NLRP8: variants seen among roughly 807,000 people sequenced by gnomAD.
NLRP8 encodes NLR family pyrin domain containing 8.
In NLRP8, 86 loss-of-function variants were observed where a neutral mutation model predicts 88.7. The ratio of observed to expected loss-of-function variants is 0.97; its 90% confidence interval spans 0.81 to 1.16. The LOEUF (loss-of-function observed/expected upper bound fraction) is 1.16, where lower values mean the gene tolerates loss of function less well. NLRP8 is among the 50% of genes most tolerant of loss of function. The pLI is 0.00. For synonymous variants in NLRP8, 504 were observed against 494.6 expected, an observed-to-expected ratio of 1.02 and a Z score of -0.25; for missense variants, 1,342 against 1,286.5, an observed-to-expected ratio of 1.04 and a Z score of -0.66.
chr19:55,987,386 C>T (rs1256638597), intron 9 of NLRP8, among the ~76,000 whole-genome samples: 1 of 152,158 alleles, frequency 6.6e-6, no homozygotes, highest in African/African-American at 2.4e-5. Flanking sequence ...AAATTAAGTA[C>T]AGAGTAGGGG....
chr19:55,974,553 A>ACG (rs1980221902), intron 7 of NLRP8, among the ~76,000 whole-genome samples: 1 of 151,774 alleles, frequency 6.6e-6, no homozygotes, highest in African/African-American at 2.4e-5. Context: ...TCGAGACCAC[A>ACG]GTGAAACCCC....
chr19:55,954,395 C>A, intron 2 of NLRP8, 106 bp from the exon 3 acceptor site: 2 of 1,110,700 alleles, frequency 1.8e-6, no homozygotes, highest in Non-Finnish European at 2.6e-6. Context: ...GCAAGGGCAT[C>A]ACGGGGCTTC....
At chr19:55,967,171 A>G (rs306494) in intron 5 of NLRP8, among the ~76,000 whole-genome samples, 56,767 of 151,982 alleles carry the variant, frequency 0.37, 11,067 homozygotes, top group Non-Finnish European at 0.43. Flanking sequence ...TTCTTTTTCA[A>G]CCTGTTAACC....
In NLRP8 at chr19:55,954,868, C is replaced by T. The variant is rs117657068; in HGVS notation, c.810C>T (p.Leu270=). The T allele has an allele frequency of 7.4e-6, 12 of 1,614,170 alleles. No individual in the cohort carries two copies. Among genetic ancestry groups the T allele is most frequent in the Middle Eastern group, 1.6e-4 (1 of 6,062 alleles). Residue 270 remains leucine, a synonymous_variant, in exon 3 of 10, where the codon CTC becomes CTT. Coordinates refer to ENST00000291971, the MANE Select transcript of NLRP8 (RefSeq NM_176811.2). ...AAAAGTGGCCTGGATCTCAGGACCTCGTGTCAAAGATTATGTCCAAACCCG... is the reference window on the plus strand; with the variant it reads ...AAAAGTGGCCTGGATCTCAGGACCTTGTGTCAAAGATTATGTCCAAACCCG...
chr19:55,976,158 A>T lies in NLRP8; in HGVS notation c.2731A>T (p.Asn911Tyr), dbSNP rs1258553967. Residue 911 changes from asparagine to tyrosine, a missense_variant, in exon 8 of 10, where the codon AAT becomes TAT. Asn to Tyr is a moderately radical substitution (Grantham distance 143, BLOSUM62 -2). Coordinates refer to ENST00000291971, the MANE Select transcript of NLRP8 (RefSeq NM_176811.2). ...ACTGAGAAAGTGTGACTTGACCTTTAATTGCTGTCAGGATATGATCTCTGC... is the reference window on the plus strand; with the variant it reads ...ACTGAGAAAGTGTGACTTGACCTTTTATTGCTGTCAGGATATGATCTCTGC... 3 of 1,607,988 alleles carry T rather than the reference A, an allele frequency of 1.9e-6. No individual in the cohort carries two copies. In the East Asian group the frequency reaches 6.7e-5, roughly 36 times the overall value.
At position 55,987,096 on chromosome 19, in the gene NLRP8, C is replaced by T. The variant is rs10414868; in HGVS notation, c.3048-718C>T. Among the ~76,000 whole-genome samples the T allele has an allele frequency of 8.1e-3, 1,239 of 152,332 alleles. 18 individuals are homozygous for T. The highest frequency in any genetic ancestry group is 0.037 in the South Asian group (177 of 4,820). On this transcript the variant is annotated intron_variant, in intron 9 of 9. Coordinates refer to ENST00000291971, the MANE Select transcript of NLRP8 (RefSeq NM_176811.2). The stretch of plus-strand genomic sequence containing the variant: ...AAAATACTGTACAGAGGGCTGGGTG[C>T]AGTGGCTCACGCCTATAATCCCAGC...
Position 55,987,817 on chromosome 19 carries a change from T to A in NLRP8, c.3051T>A (p.Cys1017Ter). The A allele has an allele frequency of 6.2e-7, 1 of 1,613,138 alleles. No homozygotes were observed. The highest frequency in any genetic ancestry group is 8.5e-7 in the Non-Finnish European group (1 of 1,179,166). ...GCCTTCCTTTACCTCCCTCCAGCTGTATTCCTGCCTGGACTCGAATAACTA... is the reference window on the plus strand; with the variant it reads ...GCCTTCCTTTACCTCCCTCCAGCTGAATTCCTGCCTGGACTCGAATAACTA... Residue 1017 changes from cysteine (C) to a stop codon, truncating the protein, a stop_gained, in exon 10 of 10, where the codon TGT becomes TGA. Coordinates refer to ENST00000291971, the MANE Select transcript of NLRP8 (RefSeq NM_176811.2). LOFTEE classifies it low-confidence loss of function (END_TRUNC).
intron 3 of NLRP8, among the ~76,000 whole-genome samples, chr19:55,959,967 G>A (rs1979539539): frequency 6.6e-6 from 1 of 152,102 alleles, no homozygotes; most frequent in South Asian, 2.1e-4. Context: ...GCTAAATCAT[G>A]GAGGCTTGGG....
chr19:55,973,832 A>C lies in NLRP8; in HGVS notation c.2705+10A>C. ...CTCTGCAGAGGCTGGTGTAAGTCCCAGAATGTTTTCTTCTCTGAATTCCCT... is the reference window on the plus strand; with the variant it reads ...CTCTGCAGAGGCTGGTGTAAGTCCCCGAATGTTTTCTTCTCTGAATTCCCT... On this transcript the variant is annotated intron_variant, in intron 7 of 9. Coordinates refer to ENST00000291971, the MANE Select transcript of NLRP8 (RefSeq NM_176811.2). 1.2e-6 allele frequency: 2 copies of C among 1,603,376 alleles called. No homozygotes were observed. Among genetic ancestry groups the C allele is most frequent in the Non-Finnish European group, 1.7e-6 (2 of 1,172,570 alleles).
intron 9 of NLRP8, among the ~76,000 whole-genome samples, chr19:55,980,697 G>A (rs1376015270): frequency 1.3e-5 from 2 of 152,194 alleles, no homozygotes; most frequent in African/African-American, 4.8e-5. Context: ...GGCAGAGAGA[G>A]ATGACTGACA....
Position 55,973,649 on chromosome 19 carries a change from T to A in NLRP8, c.2535-3T>A. 6.3e-7 allele frequency: 1 copy of A among 1,599,736 alleles called. No individual in the cohort carries two copies. Among genetic ancestry groups the A allele is most frequent in the Non-Finnish European group, 8.5e-7 (1 of 1,170,276 alleles). On this transcript the variant is annotated splice_polypyrimidine_tract_variant and splice_region_variant and intron_variant, in intron 6 of 9. Transcript: ENST00000291971. ...CAGTCATCTGTGTGCTTCTCTCCCA[T>A]AGGATAGAGAACTGCAACCTTACAC...
At chr19:55,980,088 T>G (rs1980509721) in intron 9 of NLRP8, among the ~76,000 whole-genome samples, 1 of 152,348 alleles carries the variant, frequency 6.6e-6, no homozygotes, top group East Asian at 1.9e-4. Context: ...ATCTGATATC[T>G]TCTTTCTTGT....
rs191970413 is a variant in NLRP8, at chr19:55,962,126, C to T, written c.2102C>T (p.Thr701Met). The T allele has an allele frequency of 2.0e-5, 33 of 1,614,170 alleles. No homozygotes were observed. The highest frequency in any genetic ancestry group is 8.8e-5 in the South Asian group (8 of 91,084). ...CAAGACTTATGCTCTGTGTTTGCAACGAATGATAAGCTGGAAGTCCTGACT... is the reference window on the plus strand; with the variant it reads ...CAAGACTTATGCTCTGTGTTTGCAATGAATGATAAGCTGGAAGTCCTGACT... Residue 701 changes from threonine to methionine, a missense_variant, in exon 4 of 10, where the codon ACG (threonine) becomes ATG (methionine). Physicochemically the swap from Thr to Met is moderately conservative, Grantham distance 81. Coordinates refer to ENST00000291971, the MANE Select transcript of NLRP8 (RefSeq NM_176811.2).
chr19:55,972,790 GGTGTGTGTGT>G (rs779127687), intron 6 of NLRP8, among the ~76,000 whole-genome samples: 1 of 138,830 alleles, frequency 7.2e-6, no homozygotes, highest in African/African-American at 2.7e-5. Context: ...AGTATTCCAT[GGTGTGTGTGT>G]GTGTGTGTAT....
intron 1 of NLRP8, among the ~76,000 whole-genome samples, chr19:55,951,782 C>T (rs1420714133): frequency 6.6e-6 from 1 of 152,190 alleles, no homozygotes; most frequent in African/African-American, 2.4e-5. Context: ...CAAGGTCTTA[C>T]TCTATTACCC....
chr19:55,964,325 G>A (rs1979741746), intron 4 of NLRP8, among the ~76,000 whole-genome samples: 1 of 152,212 alleles, frequency 6.6e-6, no homozygotes, highest in Non-Finnish European at 1.5e-5. Context: ...CTCCCTTGTA[G>A]ACCTGAAACT....
At position 55,975,803 on chromosome 19, in the gene NLRP8, T is replaced by TA. The variant is rs1980284357; in HGVS notation, c.2706-327dup. 2.6e-5 allele frequency among the ~76,000 whole-genome samples: 4 copies of TA among 152,194 alleles called. No individual in the cohort carries two copies. In the South Asian group the frequency reaches 8.3e-4, roughly 31 times the overall value. ...GGGGGAGGAAGTGAGAAGTGGCTTC[T>TA]AAAGTATCCAGGGTTTTCCTTAGGG... On this transcript the variant is annotated intron_variant, in intron 7 of 9. Coordinates refer to ENST00000291971, the MANE Select transcript of NLRP8 (RefSeq NM_176811.2).
Position 55,988,143 on chromosome 19 carries a change from G to A in NLRP8, c.*230G>A, listed in dbSNP as rs1980942185. 8.5e-6 allele frequency: 3 copies of A among 354,136 alleles called. No individual in the cohort carries two copies. The highest frequency in any genetic ancestry group is 7.4e-5 in the South Asian group (2 of 27,070). The allele number at this position is 354,136 out of a possible 1,614,324, so 21.9% of individuals were successfully genotyped here. A position where few individuals can be genotyped will look rare whatever the true frequency, so the allele number is the denominator to read the frequency against. ...CGTGGTGGCTCACGCCTGTAACCCA[G>A]CACTATGGGAGGTCGAGGTGGGCAG... On this transcript the variant is annotated 3_prime_UTR_variant, in exon 10 of 10. Coordinates refer to ENST00000291971, the MANE Select transcript of NLRP8 (RefSeq NM_176811.2).
chr19:55,971,929 T>A (rs1212516750), intron 6 of NLRP8, among the ~76,000 whole-genome samples: 1 of 152,150 alleles, frequency 6.6e-6, no homozygotes, highest in Non-Finnish European at 1.5e-5. Flanking sequence ...ACTATTTTTT[T>A]ATCATCTGAC....
Sources: gnomAD v4.1 joint callset for allele counts (sites outside exome capture counted in the v4.1 genomes callset) on GRCh38, gnomAD v4.1.1 for gene constraint, MANE v1.5 for transcripts, NCBI Gene and HGNC (gene_info 2026-07-23, HGNC 2026-07-21) for gene names.